IGSF11: variants seen among roughly 807,000 people sequenced by gnomAD.
IGSF11 encodes immunoglobulin superfamily member 11.
Under a neutral mutation model 41.0 loss-of-function variants are expected in IGSF11, and 22 were observed. The ratio of observed to expected loss-of-function variants is 0.54; its 90% confidence interval spans 0.38 to 0.77. The LOEUF (loss-of-function observed/expected upper bound fraction) is 0.77, where lower values mean the gene tolerates loss of function less well. IGSF11 is among the 30% of genes least tolerant of loss of function. The pLI is 0.00. For missense variants in IGSF11, 444 were observed against 530.8 expected, an observed-to-expected ratio of 0.84 and a Z score of 1.61; for synonymous variants, 219 against 201.3, an observed-to-expected ratio of 1.09 and a Z score of -0.74.
At chr3:119,026,617 T>C (rs1559810864) in intron 1 of IGSF11, among the ~76,000 whole-genome samples, 1 of 152,034 alleles carries the variant, frequency 6.6e-6, no homozygotes, top group Non-Finnish European at 1.5e-5. Context: ...AAAAAAAAAA[T>C]CCAGTTTCAT....
chr3:119,109,800 C>T (rs1576811192), upstream of IGSF11, among the ~76,000 whole-genome samples: 1 of 152,088 alleles, frequency 6.6e-6, no homozygotes, highest in Non-Finnish European at 1.5e-5. Context: ...TCTTTGTTCT[C>T]GTTGGTTTCA....
chr3:118,904,702 T>G lies in IGSF11; in HGVS notation c.800A>C (p.Tyr267Ser). 1.2e-6 allele frequency: 2 copies of G among 1,612,506 alleles called. No individual in the cohort carries two copies. The highest frequency in any genetic ancestry group is 1.7e-6 in the Non-Finnish European group (2 of 1,178,804). The change falls in exon 6 of 7, where the codon TAC (tyrosine) becomes TCC (serine). Residue 267 changes from tyrosine to serine, a missense_variant. Physicochemically the swap from Tyr to Ser is moderately radical, Grantham distance 144. Transcript: ENST00000393775. ...CTCCTCTTTATTTTTGCTTCTCCAG[T>G]AAAAGAATGCCCCTAAAATTAGTGC... ...CIALILGAFF[Y>S]WRSKNKEEEE... is the part of the protein sequence containing the mutation.
intron 1 of IGSF11, among the ~76,000 whole-genome samples, chr3:119,091,641 G>A (rs2076761938): frequency 6.6e-6 from 1 of 152,146 alleles, no homozygotes; most frequent in African/African-American, 2.4e-5. Context: ...ACTTATAACT[G>A]GGAGCTAAAC....
chr3:118,905,070 T>C (rs778373652), intron 5 of IGSF11, among the ~76,000 whole-genome samples: 4 of 152,150 alleles, frequency 2.6e-5, no homozygotes, highest in Non-Finnish European at 5.9e-5. Flanking sequence ...CCACATTAGG[T>C]AACAGACAGC....
At chr3:118,928,752 C>T (rs1316212786) in intron 2 of IGSF11, 36 bp from the exon 3 acceptor site, 1 of 1,455,496 alleles carries the variant, frequency 6.9e-7, no homozygotes, top group Admixed American at 1.8e-5. Flanking sequence ...ACTGGCCACT[C>T]TATCCTCTCC....
chr3:118,930,276 C>T lies in IGSF11; in HGVS notation c.53-1G>A. ...GACACTTCCAGGGATGCTGCAACAC[C>T]TACAGAAGAAGGAACAGGGAGGTTA... is the stretch of plus-strand genomic sequence containing the variant. On this transcript the variant is annotated splice_acceptor_variant, in intron 1 of 6. Transcript: ENST00000393775. LOFTEE classifies it high-confidence loss of function. 6.2e-7 allele frequency: 1 copy of T among 1,610,558 alleles called. No individual in the cohort carries two copies. The highest frequency in any genetic ancestry group is 8.5e-7 in the Non-Finnish European group (1 of 1,178,406).
At chr3:118,983,287 T>C (rs913426229) in intron 1 of IGSF11, 28 of 152,180 alleles carry the variant, frequency 1.8e-4, no homozygotes, top group African/African-American at 6.5e-4. Context: ...AGTTTACAAA[T>C]AAGGAAACTG....
intron 1 of IGSF11, among the ~76,000 whole-genome samples, chr3:119,045,586 C>A (rs940201358): frequency 6.6e-6 from 1 of 152,208 alleles, no homozygotes. Context: ...CACCATTGCC[C>A]AGGCTTGCTT....
chr3:118,924,752 A>T (rs941186787), intron 4 of IGSF11, among the ~76,000 whole-genome samples: 1 of 152,040 alleles, frequency 6.6e-6, no homozygotes, highest in African/African-American at 2.4e-5. Flanking sequence ...TAAAATTCCA[A>T]ACTCCAACCA....
At chr3:119,035,980 T>C (rs1940874770), upstream of IGSF11, among the ~76,000 whole-genome samples, 1 of 152,212 alleles carries the variant, frequency 6.6e-6, no homozygotes, top group Non-Finnish European at 1.5e-5. Context: ...ATATGTAAAA[T>C]ATTTTTTAAA....
intron 1 of IGSF11, among the ~76,000 whole-genome samples, chr3:119,000,131 G>C (rs971020686): frequency 2.2e-5 from 3 of 134,972 alleles, no homozygotes; most frequent in African/African-American, 5.9e-5. Context: ...AGAAATGCCT[G>C]GTTGTCCTCC....
At chr3:118,978,068 G>A (rs1274077088) in intron 1 of IGSF11, among the ~76,000 whole-genome samples, 1 of 152,154 alleles carries the variant, frequency 6.6e-6, no homozygotes, top group Non-Finnish European at 1.5e-5. Context: ...GCCTGCCTAT[G>A]GCTGCCCCCA....
At chr3:119,122,058 A>G (rs1031510142) in intron 1 of IGSF11, among the ~76,000 whole-genome samples, 34 of 152,230 alleles carry the variant, frequency 2.2e-4, no homozygotes, top group Admixed American at 1.5e-3. Context: ...TTTAACAAGT[A>G]TCTACACAAA....
intron 1 of IGSF11, chr3:118,983,458 T>G (rs1363591782): frequency 2.6e-5 from 4 of 152,172 alleles, no homozygotes; most frequent in Non-Finnish European, 5.9e-5. Context: ...AGCTGTCATA[T>G]GAAAGAAGGG....
At chr3:119,029,237 T>TACAC (rs10662902) in intron 1 of IGSF11, among the ~76,000 whole-genome samples, 8,171 of 123,080 alleles carry the variant, frequency 0.066, 313 homozygotes, top group African/African-American at 0.1. Flanking sequence ...CTTTTGGGAA[T>TACAC]ACACACACAC....
At chr3:118,934,575 A>G (rs142213046) in intron 1 of IGSF11, among the ~76,000 whole-genome samples, 1 of 152,154 alleles carries the variant, frequency 6.6e-6, no homozygotes, top group East Asian at 1.9e-4. Context: ...CTCTACTCAA[A>G]ACCTCTCCTC....
At position 118,915,623 on chromosome 3, in the gene IGSF11, C is replaced by T. The variant is rs1453589943; in HGVS notation, c.581-9905G>A. The stretch of plus-strand genomic sequence containing the variant: ...GGACTATGTGAAAAGACCAAATCTA[C>T]GTCTGATTGGTGTACCTGAAAGTGA... On this transcript the variant is annotated intron_variant, in intron 4 of 6. Coordinates refer to ENST00000393775, the MANE Select transcript of IGSF11 (RefSeq NM_001015887.3). Among the ~76,000 whole-genome samples the T allele has an allele frequency of 3.0e-3, 71 of 23,712 alleles. 1 individual carries two copies. Among genetic ancestry groups the T allele is most frequent in the East Asian group, 5.7e-3 (7 of 1,220 alleles). 15.6% of individuals were successfully genotyped at this position (23,712 alleles called of 152,430 possible).
At chr3:119,004,049 T>A (rs986812577) in intron 1 of IGSF11, among the ~76,000 whole-genome samples, 2 of 151,976 alleles carry the variant, frequency 1.3e-5, no homozygotes, top group African/African-American at 4.8e-5. Context: ...TACCAGTTCC[T>A]CCTTGTACCT....
intron 1 of IGSF11, among the ~76,000 whole-genome samples, chr3:119,068,029 A>T (rs1942286035): frequency 6.6e-6 from 1 of 152,246 alleles, no homozygotes; most frequent in Non-Finnish European, 1.5e-5. Flanking sequence ...CTTAAGCAAT[A>T]CTGACTGCAT....
Sources: allele counts gnomAD v4.1 joint callset (sites outside exome capture counted in the v4.1 genomes callset), GRCh38; gene constraint gnomAD v4.1.1; transcripts MANE v1.5; gene names NCBI Gene and HGNC (gene_info 2026-07-23, HGNC 2026-07-21).